GNG7: variants seen among roughly 807,000 people sequenced by gnomAD.
GNG7 encodes guanine nucleotide-binding protein G(I)/G(S)/G(O) subunit gamma-7.
A neutral mutation model predicts 4.0 loss-of-function variants in GNG7; 1 was observed. The observed-to-expected ratio is 0.25, with a 90% CI of 0.09 to 1.18. The LOEUF (loss-of-function observed/expected upper bound fraction) is 1.18, where lower values mean the gene tolerates loss of function less well. Among genes scored for constraint, GNG7 ranks in the 50% most tolerant of loss-of-function variants. The pLI, the probability that GNG7 is intolerant of heterozygous loss-of-function variation, is 0.50. For synonymous variants in GNG7, 34 were observed against 36.9 expected (o/e 0.92, Z 0.29); for missense variants, 86 against 91.9 (o/e 0.94, Z 0.26).
intron 1 of GNG7, among the ~76,000 whole-genome samples, chr19:2,675,947 C>T (rs187568676): frequency 3.3e-5 from 5 of 152,324 alleles, no homozygotes; most frequent in Non-Finnish European, 7.3e-5. Context: ...TGCAGATGGA[C>T]TTATTATTAA....
chr19:2,579,713 CAG>C (rs1308708372), intron 2 of GNG7, among the ~76,000 whole-genome samples: 1 of 152,200 alleles, frequency 6.6e-6, no homozygotes, highest in African/African-American at 2.4e-5. Context: ...CCCCCACGGA[CAG>C]GGGCTTTTCT....
intron 4 of GNG7, among the ~76,000 whole-genome samples, chr19:2,515,761 C>T (rs1253425949): frequency 1.3e-5 from 2 of 151,962 alleles, no homozygotes; most frequent in African/African-American, 4.8e-5. Flanking sequence ...CCAGGACAGG[C>T]CTATCCACAG....
At chr19:2,678,731 G>A (rs1345994522) in intron 1 of GNG7, among the ~76,000 whole-genome samples, 1 of 152,066 alleles carries the variant, frequency 6.6e-6, no homozygotes, top group Non-Finnish European at 1.5e-5. Context: ...CCCCAGCCTG[G>A]TAACTACTTC....
At chr19:2,602,811 G>C (rs376408056) in intron 2 of GNG7, among the ~76,000 whole-genome samples, 1 of 152,192 alleles carries the variant, frequency 6.6e-6, no homozygotes, top group South Asian at 2.1e-4. Context: ...CAGGTTGATA[G>C]TTCACAGCTG....
At chr19:2,577,136 T>G (rs1171838805) in intron 2 of GNG7, among the ~76,000 whole-genome samples, 1 of 152,328 alleles carries the variant, frequency 6.6e-6, no homozygotes, top group East Asian at 1.9e-4. Context: ...GTCTCTGTGT[T>G]GCGTAACCAA....
At chr19:2,616,412 T>C (rs1007884384) in intron 2 of GNG7, among the ~76,000 whole-genome samples, 1 of 151,346 alleles carries the variant, frequency 6.6e-6, no homozygotes, top group African/African-American at 2.4e-5. Flanking sequence ...GCCCAGCTAA[T>C]TTTTGTATTT....
At position 2,557,612 on chromosome 19, in the gene GNG7, A is replaced by G. The variant is rs1609707; in HGVS notation, c.-77-2424T>C. Reference sequence around the variant, plus strand: ...AGACGGGAAGTTAGACTTCTGACCCATCACAAACTCTGAGTCAAAGTGCGA... The same window carrying G: ...AGACGGGAAGTTAGACTTCTGACCCGTCACAAACTCTGAGTCAAAGTGCGA... On this transcript the variant is annotated intron_variant, in intron 2 of 4. Coordinates refer to ENST00000382159, the MANE Select transcript of GNG7 (RefSeq NM_052847.3). The surrounding 1 kb of genome is among the most constrained non-coding windows in gnomAD (Gnocchi z 5.1). Among the ~76,000 whole-genome samples the G allele has an allele frequency of 0.81, 122,233 of 151,586 alleles. 49,690 individuals are homozygous for G. Among genetic ancestry groups the G allele is most frequent in the African/African-American group, 0.9 (37,470 of 41,414 alleles).
intron 1 of GNG7, among the ~76,000 whole-genome samples, chr19:2,669,570 T>G (rs1983398367): frequency 1.3e-5 from 2 of 152,160 alleles, no homozygotes; most frequent in South Asian, 4.1e-4. Flanking sequence ...CTTGCTTTCG[T>G]CAATAAGTTT....
At chr19:2,643,127 G>A (rs547870647) in intron 2 of GNG7, 1 of 453,610 alleles carries the variant, frequency 2.2e-6, no homozygotes, top group East Asian at 7.1e-5. Context: ...GCCCTCTCCG[G>A]GCTCTGCACA....
chr19:2,605,651 T>G (rs912882820), intron 2 of GNG7, among the ~76,000 whole-genome samples: 2 of 149,960 alleles, frequency 1.3e-5, no homozygotes, highest in African/African-American at 4.9e-5. Flanking sequence ...GTAGCTGGGA[T>G]TACAGGCATG....
intron 1 of GNG7, among the ~76,000 whole-genome samples, chr19:2,689,751 T>C (rs1232466492): frequency 6.6e-6 from 1 of 151,326 alleles, no homozygotes; most frequent in Non-Finnish European, 1.5e-5. Context: ...CAAGATCAAG[T>C]CCCAGCATGA....
chr19:2,651,323 C>A (rs1982815736), intron 1 of GNG7, among the ~76,000 whole-genome samples: 1 of 72,588 alleles, frequency 1.4e-5, no homozygotes, highest in African/African-American at 6.6e-5. Context: ...CCCTCCCTCC[C>A]TCCCTCCCTA....
intron 3 of GNG7, among the ~76,000 whole-genome samples, chr19:2,537,040 G>A (rs1356933720): frequency 7.3e-5 from 11 of 151,134 alleles, no homozygotes; most frequent in Non-Finnish European, 1.0e-4. Context: ...TCCGCCTCCC[G>A]GGTTCACGCC....
At chr19:2,694,669 G>C (rs1420896680) in intron 1 of GNG7, among the ~76,000 whole-genome samples, 1 of 152,138 alleles carries the variant, frequency 6.6e-6, no homozygotes, top group African/African-American at 2.4e-5. Context: ...CCCACTCAGG[G>C]TGTGGATTTC....
chr19:2,537,717 G>C (rs997291018), intron 3 of GNG7, among the ~76,000 whole-genome samples: 13 of 152,148 alleles, frequency 8.5e-5, no homozygotes, highest in African/African-American at 3.1e-4. Flanking sequence ...GCCCTGGAGT[G>C]GGGGTTGTGG....
chr19:2,657,858 C>T (rs1983036713), intron 1 of GNG7, among the ~76,000 whole-genome samples: 1 of 152,090 alleles, frequency 6.6e-6, no homozygotes, highest in South Asian at 2.1e-4. Context: ...AGTGAAAGTA[C>T]TAAAAGTCTC....
intron 2 of GNG7, among the ~76,000 whole-genome samples, chr19:2,576,232 C>T (rs1267335102): frequency 1.3e-5 from 2 of 152,376 alleles, no homozygotes; most frequent in East Asian, 1.9e-4. Context: ...GGGGCGGCCT[C>T]GGATGACGTG....
At chr19:2,579,121 C>G (rs1009920241) in intron 2 of GNG7, among the ~76,000 whole-genome samples, 12 of 152,270 alleles carry the variant, frequency 7.9e-5, no homozygotes, top group African/African-American at 2.7e-4. Context: ...CAGAGGGTCC[C>G]GTGATTTGGG....
At chr19:2,599,248 G>A (rs1407523725) in intron 2 of GNG7, among the ~76,000 whole-genome samples, 1 of 152,028 alleles carries the variant, frequency 6.6e-6, no homozygotes, top group Non-Finnish European at 1.5e-5. Context: ...CTTTCCCCTC[G>A]CTGACTTGGT....
Sources: gnomAD v4.1 joint callset for allele counts (sites outside exome capture counted in the v4.1 genomes callset) on GRCh38, gnomAD v4.1.1 for gene constraint, Gnocchi (gnomAD v3.1) non-coding constraint, MANE v1.5 for transcripts, NCBI Gene and HGNC (gene_info 2026-07-23, HGNC 2026-07-21) for gene names.